SEPTIN9: variants seen among roughly 807,000 people sequenced by gnomAD.
The protein encoded by SEPTIN9 is septin-9.
Under a neutral mutation model 56.6 loss-of-function variants are expected in SEPTIN9, and 13 were observed. The observed-to-expected ratio is 0.23, with a 90% CI of 0.15 to 0.37. The LOEUF is 0.37. Among genes scored for constraint, SEPTIN9 ranks in the 10% least tolerant of loss-of-function variants. SEPTIN9 has a pLI of 1.00. For synonymous variants in SEPTIN9, 332 were observed against 334.1 expected, an observed-to-expected ratio of 0.99 and a Z score of 0.07; for missense variants, 650 against 823.1, an observed-to-expected ratio of 0.79 and a Z score of 2.57.
rs778839655 is a variant in SEPTIN9, at chr17:77,319,111, C to G, written c.76+11914C>G. On this transcript the variant is annotated intron_variant, in intron 2 of 11. Transcript: ENST00000427177. This position sits in a 1 kb window ranked among gnomAD's most constrained non-coding sequence, Gnocchi z 5.3. ...CCTGAGTTCTCAGCCTTGGCACAAA[C>G]ACACATTCTCTTTAAACAGGCTTGG... is the stretch of plus-strand genomic sequence containing the variant. 6.6e-6 allele frequency among the ~76,000 whole-genome samples: 1 copy of G among 152,344 alleles called. No homozygotes were observed. The highest frequency in any genetic ancestry group is 1.5e-5 in the Non-Finnish European group (1 of 68,038).
At chr17:77,293,575 G>T (rs1481026152) in intron 1 of SEPTIN9, among the ~76,000 whole-genome samples, 1 of 152,178 alleles carries the variant, frequency 6.6e-6, no homozygotes, top group African/African-American at 2.4e-5. Context: ...AATCAAAGTG[G>T]TGTGGGCTTA....
Position 77,499,110 on chromosome 17 carries a change from A to G in SEPTIN9, c.*452A>G. 1 of 535,730 alleles carries G rather than the reference A, an allele frequency of 1.9e-6. No individual in the cohort carries two copies. Among genetic ancestry groups the G allele is most frequent in the Non-Finnish European group, 3.6e-6 (1 of 276,026 alleles). The allele number at this position is 535,730 out of a possible 1,614,324, so 33.2% of individuals were successfully genotyped here. On this transcript the variant is annotated 3_prime_UTR_variant, in exon 12 of 12. Coordinates refer to ENST00000427177, the MANE Select transcript of SEPTIN9 (RefSeq NM_001113491.2). ...TGTCCCCTGGAGTGTGTCAGAGCCC[A>G]GGGGAGAATGCAGCCCACCAGGAGC...
intron 2 of SEPTIN9, among the ~76,000 whole-genome samples, chr17:77,354,567 G>A (rs1179100065): frequency 1.3e-5 from 2 of 152,118 alleles, no homozygotes; most frequent in Non-Finnish European, 2.9e-5. Context: ...GGAGGCTGCC[G>A]GAGCCCCTCC....
At position 77,497,321 on chromosome 17, in the gene SEPTIN9, A is replaced by G; in HGVS notation, c.1580A>G (p.Asn527Ser). Residue 527 changes from asparagine (N) to serine (S), a missense_variant, in exon 11 of 12, where the codon AAC becomes AGC. By Grantham distance (46) the Asn-to-Ser change is conservative (BLOSUM62 1). Transcript: ENST00000427177. ...CTCCTGTCTCCTCTCCTAGTTGAAA[A>G]CACCACACACTGTGAGTTTGCCTAC... ...KTKWGTIEVE[N>S]TTHCEFAYLR... The G allele has an allele frequency of 1.2e-6, 2 of 1,613,692 alleles. No individual in the cohort carries two copies. Among genetic ancestry groups the G allele is most frequent in the Non-Finnish European group, 1.7e-6 (2 of 1,179,766 alleles).
At chr17:77,288,295 CT>C in intron 1 of SEPTIN9, 1 of 837,292 alleles carries the variant, frequency 1.2e-6, no homozygotes, top group Non-Finnish European at 1.5e-6. Flanking sequence ...GGGCCCTCTG[CT>C]TTTCCCAGCG....
chr17:77,467,449 G>C (rs2038792012), intron 3 of SEPTIN9, among the ~76,000 whole-genome samples: 1 of 152,172 alleles, frequency 6.6e-6, no homozygotes, highest in Non-Finnish European at 1.5e-5. Context: ...TGGGGTTGGG[G>C]AGTGGGCGGG....
chr17:77,434,981 G>C lies in SEPTIN9; in HGVS notation c.721+32278G>C, dbSNP rs921378389. On this transcript the variant is annotated intron_variant, in intron 3 of 11. Transcript: ENST00000427177. The surrounding 1 kb of genome is among the most constrained non-coding windows in gnomAD (Gnocchi z 5.0). Reference sequence around the variant, plus strand: ...GGTGCTGGACGGGGCCCTGGCAACCGTGGCAGGAGTGGTGATGTCCGATGA... The same window carrying C: ...GGTGCTGGACGGGGCCCTGGCAACCCTGGCAGGAGTGGTGATGTCCGATGA... Among the ~76,000 whole-genome samples, 2 of 152,206 alleles carry C rather than the reference G, an allele frequency of 1.3e-5. No individual in the cohort carries two copies. The highest frequency in any genetic ancestry group is 2.1e-4 in the South Asian group (1 of 4,832).
At chr17:77,312,948 G>A (rs1567987626) in intron 2 of SEPTIN9, among the ~76,000 whole-genome samples, 2 of 152,168 alleles carry the variant, frequency 1.3e-5, no homozygotes, top group Admixed American at 6.5e-5. Flanking sequence ...TATTGACTAC[G>A]GCAGATACAG....
In SEPTIN9 at chr17:77,454,122, GCT is replaced by G. The variant is rs749841647; in HGVS notation, c.722-28020_722-28019del. The G allele has an allele frequency of 1.1e-3, 1,051 of 985,728 alleles. 2 individuals carry two copies. Among genetic ancestry groups the G allele is most frequent in the Non-Finnish European group, 1.2e-3 (1,021 of 830,264 alleles). The allele number at this position is 985,728 out of a possible 1,614,324, so 61.1% of individuals were successfully genotyped here. ...TCAATGGCCAGGGTAAGCTGTGGGG[GCT>G]CCTCCCCGCCGGCCCCTCTCTGCAG... On this transcript the variant is annotated intron_variant, in intron 3 of 11. Transcript: ENST00000427177.
intron 1 of SEPTIN9, among the ~76,000 whole-genome samples, chr17:77,287,611 C>T (rs551296343): frequency 1.3e-5 from 2 of 152,328 alleles, no homozygotes; most frequent in Admixed American, 6.5e-5. Context: ...ACTCTCTGCT[C>T]CCAGCCCAGT....
intron 2 of SEPTIN9, chr17:77,373,292 G>GGGGCGC: frequency 8.6e-7 from 1 of 1,157,718 alleles, no homozygotes; most frequent in African/African-American, 1.6e-5. Context: ...GGGCGGGGCG[G>GGGGCGC]GGGCGCAGCG....
At chr17:77,281,674 C>A in intron 1 of SEPTIN9, 120 bp downstream of exon 1, 1 of 1,000,628 alleles carries the variant, frequency 1.0e-6, no homozygotes, top group Non-Finnish European at 1.4e-6. Flanking sequence ...CCGCGGCGGG[C>A]ACACTGCAGG....
chr17:77,337,921 G>T (rs572732448), intron 2 of SEPTIN9, among the ~76,000 whole-genome samples: 7 of 152,174 alleles, frequency 4.6e-5, no homozygotes, highest in Non-Finnish European at 8.8e-5. Context: ...TTTAGGCCAG[G>T]CATGGTGGCT....
At chr17:77,486,489 T>G (rs1204885515) in intron 4 of SEPTIN9, among the ~76,000 whole-genome samples, 15 of 94,478 alleles carry the variant, frequency 1.6e-4, no homozygotes, top group African/African-American at 4.8e-4. Flanking sequence ...TCTGGAGGGG[T>G]GTGTGTGTGT....
Position 77,487,384 on chromosome 17 carries a change from T to A in SEPTIN9, c.914-40T>A. The stretch of plus-strand genomic sequence containing the variant: ...CCCATGTGCAGACCCTGCTGGTCTC[T>A]CCGGAGAGACCCCTGACCGGCCTCC... On this transcript the variant is annotated intron_variant, in intron 4 of 11. Transcript: ENST00000427177. The surrounding 1 kb of genome is among the most constrained non-coding windows in gnomAD (Gnocchi z 4.3). 6.4e-7 allele frequency: 1 copy of A among 1,568,216 alleles called. No individual in the cohort carries two copies. The highest frequency in any genetic ancestry group is 8.6e-7 in the Non-Finnish European group (1 of 1,157,792).
intron 1 of SEPTIN9, among the ~76,000 whole-genome samples, chr17:77,305,225 C>T (rs982809669): frequency 1.3e-5 from 2 of 152,188 alleles, no homozygotes; most frequent in African/African-American, 4.8e-5. Context: ...GGTGAGGTCA[C>T]GGACATGGCT....
At chr17:77,308,575 C>T (rs952233047) in intron 2 of SEPTIN9, among the ~76,000 whole-genome samples, 7 of 152,240 alleles carry the variant, frequency 4.6e-5, no homozygotes, top group African/African-American at 1.7e-4. Context: ...CATTTACTTG[C>T]ATAGAATTAT....
At chr17:77,428,015 G>C (rs115167134) in intron 3 of SEPTIN9, among the ~76,000 whole-genome samples, 1 of 152,178 alleles carries the variant, frequency 6.6e-6, no homozygotes, top group Non-Finnish European at 1.5e-5. Context: ...CTTGCACCAC[G>C]TAACTAGCCT....
At position 77,414,401 on chromosome 17, in the gene SEPTIN9, C is replaced by T. The variant is rs4789495; in HGVS notation, c.721+11698C>T. Among the ~76,000 whole-genome samples the T allele has an allele frequency of 0.014, 2,094 of 152,130 alleles. 99 individuals carry two copies. In the East Asian group the frequency reaches 0.16, roughly 12 times the overall value. ...TCCACCCATTTAAAGTGCATAATTC[C>T]ATGGTTTTCAGTCTATTCAGAGAGT... On this transcript the variant is annotated intron_variant, in intron 3 of 11. Coordinates refer to ENST00000427177, the MANE Select transcript of SEPTIN9 (RefSeq NM_001113491.2).
Sources: gnomAD v4.1 joint callset for allele counts (sites outside exome capture counted in the v4.1 genomes callset) on GRCh38, gnomAD v4.1.1 for gene constraint, Gnocchi (gnomAD v3.1) non-coding constraint, MANE v1.5 for transcripts, NCBI Gene and HGNC (gene_info 2026-07-23, HGNC 2026-07-21) for gene names.